Variants in ST6GALNAC3 observed in about 807,000 individuals in gnomAD.
ST6GALNAC3 encodes alpha-N-acetylgalactosaminide alpha-2,6-sialyltransferase 3.
A neutral mutation model predicts 32.7 loss-of-function variants in ST6GALNAC3; 25 were observed. That is an observed-to-expected ratio of 0.76 (90% CI 0.56 to 1.07). The LOEUF (loss-of-function observed/expected upper bound fraction) is 1.07, where lower values mean the gene tolerates loss of function less well. ST6GALNAC3 is among the 50% of genes least tolerant of loss of function. The pLI is 0.00. For missense variants in ST6GALNAC3, 355 were observed against 382.4 expected (o/e 0.93, Z 0.60); for synonymous variants, 129 against 133.1 (o/e 0.97, Z 0.21).
At chr1:76,362,699 G>C (rs1381313156) in intron 2 of ST6GALNAC3, among the ~76,000 whole-genome samples, 2 of 152,252 alleles carry the variant, frequency 1.3e-5, no homozygotes, top group East Asian at 3.8e-4. Flanking sequence ...CAACAGGGCA[G>C]TCATTACATT....
chr1:76,101,680 A>G (rs1393259659), intron 1 of ST6GALNAC3, among the ~76,000 whole-genome samples: 1 of 152,198 alleles, frequency 6.6e-6, no homozygotes, highest in Admixed American at 6.5e-5. Context: ...ATTTTGTCGT[A>G]ATGTATTTAC....
intron 1 of ST6GALNAC3, chr1:76,310,038 C>T: frequency 2.1e-6 from 1 of 478,070 alleles, no homozygotes; most frequent in Non-Finnish European, 4.2e-6. Context: ...CATCTTTGTC[C>T]CCAAACCCCC....
In ST6GALNAC3 at chr1:76,432,443, C is replaced by CTT. The variant is rs35527607; in HGVS notation, c.623+20054_623+20055dup. Among the ~76,000 whole-genome samples the CTT allele has an allele frequency of 3.0e-3, 174 of 57,192 alleles. 25 individuals carry two copies. The highest frequency in any genetic ancestry group is 0.01 in the African/African-American group (143 of 14,270). 37.5% of individuals were successfully genotyped at this position (57,192 alleles called of 152,430 possible). A position where few individuals can be genotyped will look rare whatever the true frequency, so the allele number is the denominator to read the frequency against. On this transcript the variant is annotated intron_variant, in intron 3 of 4. Coordinates refer to ENST00000328299, the MANE Select transcript of ST6GALNAC3 (RefSeq NM_152996.4). Reference sequence around the variant, plus strand: ...TATGTAGCTAAGTTGCCTTTATTGCCTTTTTTTTTTTTTTTTTTTTTTTTT... The same window carrying CTT: ...TATGTAGCTAAGTTGCCTTTATTGCCTTTTTTTTTTTTTTTTTTTTTTTTTTT...
At chr1:76,371,155 T>G (rs1040491483) in intron 2 of ST6GALNAC3, among the ~76,000 whole-genome samples, 11 of 152,146 alleles carry the variant, frequency 7.2e-5, no homozygotes, top group African/African-American at 2.7e-4. Context: ...TAAATATTTA[T>G]TTAGCATTTA....
intron 3 of ST6GALNAC3, among the ~76,000 whole-genome samples, chr1:76,580,430 A>C (rs1392726017): frequency 1.3e-5 from 2 of 152,112 alleles, no homozygotes; most frequent in Non-Finnish European, 2.9e-5. Context: ...TAACTTGGAG[A>C]TAGCTCCTGA....
At chr1:76,536,245 G>GGA (rs1279803946) in intron 3 of ST6GALNAC3, among the ~76,000 whole-genome samples, 1 of 152,028 alleles carries the variant, frequency 6.6e-6, no homozygotes, top group African/African-American at 2.4e-5. Flanking sequence ...CACAAACACT[G>GGA]GAGTAAATTA....
At chr1:76,364,539 C>A (rs565820003) in intron 2 of ST6GALNAC3, among the ~76,000 whole-genome samples, 6 of 151,614 alleles carry the variant, frequency 4.0e-5, no homozygotes, top group African/African-American at 1.5e-4. Context: ...GGTGACAGAG[C>A]GAGACTCCAC....
intron 1 of ST6GALNAC3, among the ~76,000 whole-genome samples, chr1:76,146,058 A>G (rs1172509978): frequency 6.6e-6 from 1 of 152,230 alleles, no homozygotes; most frequent in African/African-American, 2.4e-5. Flanking sequence ...AATACAGACA[A>G]TCTGCTAAGC....
intron 3 of ST6GALNAC3, among the ~76,000 whole-genome samples, chr1:76,592,474 G>A (rs1187858360): frequency 6.6e-6 from 1 of 152,184 alleles, no homozygotes; most frequent in Non-Finnish European, 1.5e-5. Context: ...TATGGATAAG[G>A]TGCATGGGTG....
intron 1 of ST6GALNAC3, among the ~76,000 whole-genome samples, chr1:76,117,230 C>T (rs1217386439): frequency 1.3e-5 from 2 of 152,140 alleles, no homozygotes; most frequent in African/African-American, 2.4e-5. Context: ...CTTAAAGCTT[C>T]TTAATTCATG....
intron 1 of ST6GALNAC3, among the ~76,000 whole-genome samples, chr1:76,130,840 G>C (rs1474309139): frequency 6.6e-6 from 1 of 152,238 alleles, no homozygotes; most frequent in East Asian, 1.9e-4. Context: ...ACCCCGCTCA[G>C]AGGTGGTTTT....
chr1:76,169,222 G>C (rs1307642334), intron 1 of ST6GALNAC3, among the ~76,000 whole-genome samples: 1 of 152,128 alleles, frequency 6.6e-6, no homozygotes, highest in Non-Finnish European at 1.5e-5. Flanking sequence ...AGTTAGGCTG[G>C]ATATAAAATT....
chr1:76,250,595 T>G (rs1490903113), intron 1 of ST6GALNAC3, among the ~76,000 whole-genome samples: 1 of 152,174 alleles, frequency 6.6e-6, no homozygotes, highest in Non-Finnish European at 1.5e-5. Flanking sequence ...GTCTGCAGTC[T>G]CAGGAGTTTC....
At chr1:76,426,938 T>C (rs1655435908) in intron 3 of ST6GALNAC3, among the ~76,000 whole-genome samples, 1 of 152,044 alleles carries the variant, frequency 6.6e-6, no homozygotes. Flanking sequence ...TCATGAGAGA[T>C]TCTGATAACC....
At chr1:76,187,637 C>T (rs115223680) in intron 1 of ST6GALNAC3, among the ~76,000 whole-genome samples, 3 of 152,164 alleles carry the variant, frequency 2.0e-5, no homozygotes, top group Non-Finnish European at 4.4e-5. Context: ...GGTGGCCACA[C>T]AGAGTCAGAG....
At position 76,631,487 on chromosome 1, in the gene ST6GALNAC3, T is replaced by C. The variant is rs1649296869; in HGVS notation, c.*2681T>C. 6.6e-6 allele frequency: 1 copy of C among 152,072 alleles called. No homozygotes were observed. The highest frequency in any genetic ancestry group is 1.5e-5 in the Non-Finnish European group (1 of 67,984). The allele number at this position is 152,072 out of a possible 1,614,324, so 9.4% of individuals were successfully genotyped here. ...TAATTTCTCCCATGTTGAGAATAAA[T>C]TTTTCATCTATGATTTGCTGATAGA... On this transcript the variant is annotated 3_prime_UTR_variant, in exon 5 of 5. Coordinates refer to ENST00000328299, the MANE Select transcript of ST6GALNAC3 (RefSeq NM_152996.4).
At chr1:76,594,815 A>G (rs1366415782) in intron 3 of ST6GALNAC3, among the ~76,000 whole-genome samples, 1 of 152,208 alleles carries the variant, frequency 6.6e-6, no homozygotes, top group Non-Finnish European at 1.5e-5. Context: ...ATGTCTAGAT[A>G]TATAAGAGAA....
At chr1:76,115,036 A>C (rs1648364723) in intron 1 of ST6GALNAC3, among the ~76,000 whole-genome samples, 2 of 152,234 alleles carry the variant, frequency 1.3e-5, no homozygotes, top group Admixed American at 1.3e-4. Context: ...TACCCACAAT[A>C]GCCAGTAATT....
At chr1:76,140,114 G>C (rs375838852) in intron 1 of ST6GALNAC3, among the ~76,000 whole-genome samples, 23 of 152,050 alleles carry the variant, frequency 1.5e-4, no homozygotes, top group African/African-American at 5.1e-4. Context: ...TTGGTTTTCT[G>C]ACTGCAGAAG....
Sources: allele counts gnomAD v4.1 joint callset (sites outside exome capture counted in the v4.1 genomes callset), GRCh38; gene constraint gnomAD v4.1.1; transcripts MANE v1.5; gene names NCBI Gene and HGNC (gene_info 2026-07-23, HGNC 2026-07-21).